CLCN4: variants seen among roughly 807,000 people sequenced by gnomAD.
CLCN4 encodes Cl-/H+ antiporter 4, also known as H(+)/Cl(-) exchange transporter 4.
CLCN4 carries 1 observed loss-of-function variant against 41.7 expected under a neutral mutation model. The ratio of observed to expected loss-of-function variants is 0.02; its 90% CI spans 0.01 to 0.11. The LOEUF is 0.11. CLCN4 is among the 10% of genes least tolerant of loss of function. The pLI, the probability that CLCN4 is intolerant of heterozygous loss-of-function variation, is 1.00. For synonymous variants in CLCN4, 277 were observed against 285.8 expected (o/e 0.97, Z 0.31); for missense variants, 287 against 661.0 (o/e 0.43, Z 6.20).
At chrX:10,194,763 TGTAA>T in intron 4 of CLCN4, 144 bp from the exon 5 acceptor site, 2 of 498,660 alleles carry the variant, frequency 4.0e-6, no homozygotes, top group Non-Finnish European at 6.9e-6. Context: ...AAGCTTCCTA[TGTAA>T]GTGACAGCCC....
intron 2 of CLCN4, among the ~76,000 whole-genome samples, chrX:10,172,241 G>A (rs1019952376): frequency 1.8e-5 from 2 of 112,063 alleles, no homozygotes; most frequent in Non-Finnish European, 3.8e-5. Flanking sequence ...ACTTTGCCCC[G>A]CAAGCCTTTT....
intron 6 of CLCN4, among the ~76,000 whole-genome samples, chrX:10,204,010 C>T (rs1413916676): frequency 8.9e-6 from 1 of 111,924 alleles, no homozygotes; most frequent in Non-Finnish European, 1.9e-5. Context: ...TGATTACAGG[C>T]TTGTAAGTTG....
Position 10,212,596 on chromosome X carries a change from G to A in CLCN4, c.1519G>A (p.Gly507Ser), listed in dbSNP as rs200303958. The change falls in exon 10 of 13, where the codon GGT (glycine) becomes AGT (serine). Residue 507 changes from glycine to serine, a missense_variant. By Grantham distance (56) the Gly-to-Ser change is moderately conservative. Around this residue, in one of 6 missense-constraint regions of CLCN4, gnomAD observed 94 missense variants for 177.9 expected, o/e 0.53. Coordinates refer to ENST00000380833, the MANE Select transcript of CLCN4 (RefSeq NM_001830.4). Reference protein sequence around the residue: ...WIIFRNWCRPGADCVTPGLYA... With the variant: ...WIIFRNWCRPSADCVTPGLYA... ...CATCTTCAGGAACTGGTGCAGACCC[G>A]GTGCAGACTGTGTCACGCCAGGGCT... is the stretch of plus-strand genomic sequence containing the variant. 1.2e-5 allele frequency: 14 copies of A among 1,209,697 alleles called. No individual in the cohort carries two copies. Among genetic ancestry groups the A allele is most frequent in the African/African-American group, 3.5e-5 (2 of 57,132 alleles).
In CLCN4 at chrX:10,225,046, C is replaced by T. The variant is rs369793742; in HGVS notation, c.2192+4169C>T. The stretch of plus-strand genomic sequence containing the variant: ...TTTGCTATTGTGAATGGTGCTGCAG[C>T]GAACATACGTGTGTATGTATTTTTA... On this transcript the variant is annotated intron_variant, in intron 12 of 12. Coordinates refer to ENST00000380833, the MANE Select transcript of CLCN4 (RefSeq NM_001830.4). Among the ~76,000 whole-genome samples the T allele has an allele frequency of 4.5e-5, 5 of 111,722 alleles. 1 individual carries two copies. The East Asian group carries it at 8.4e-4, about 19-fold the overall frequency.
chrX:10,215,912 G>A (rs918604315), intron 11 of CLCN4, among the ~76,000 whole-genome samples: 1 of 112,098 alleles, frequency 8.9e-6, no homozygotes, highest in Non-Finnish European at 1.9e-5. Context: ...TAATATAGAA[G>A]GTGCTATTTA....
At chrX:10,197,374 TG>T (rs1183503021) in intron 5 of CLCN4, among the ~76,000 whole-genome samples, 2 of 111,783 alleles carry the variant, frequency 1.8e-5, no homozygotes, top group Non-Finnish European at 1.9e-5. Flanking sequence ...GTCTGGTGTC[TG>T]GTTCAGCAGT....
In CLCN4 at chrX:10,235,023, G is replaced by A. The variant is rs759070875; in HGVS notation, c.*1439G>A. 2 of 111,810 alleles carry A rather than the reference G, an allele frequency of 1.8e-5. No individual in the cohort carries two copies. The highest frequency in any genetic ancestry group is 3.3e-5 in the African/African-American group (1 of 30,662). 9.2% of individuals were successfully genotyped at this position (111,810 alleles called of 1,213,427 possible). A position where few individuals can be genotyped will look rare whatever the true frequency, so the allele number is the denominator to read the frequency against. ...TGCTGTATCACTTAGGTGTGCATTC[G>A]GCTGCAAATAACAGAAAACCCAGCA... On this transcript the variant is annotated 3_prime_UTR_variant, in exon 13 of 13. Transcript: ENST00000380833.
chrX:10,174,308 G>T (rs770940262), intron 2 of CLCN4, among the ~76,000 whole-genome samples: 1 of 112,423 alleles, frequency 8.9e-6, no homozygotes, highest in South Asian at 3.7e-4. Context: ...GCCAGATTGG[G>T]TTCTGTGCCA....
intron 11 of CLCN4, among the ~76,000 whole-genome samples, chrX:10,214,582 C>T (rs948984030): frequency 1.8e-5 from 2 of 112,956 alleles, no homozygotes; most frequent in African/African-American, 6.4e-5. Context: ...CCACACAAGT[C>T]TTTTGCTTCA....
chrX:10,201,648 G>A (rs7879414), intron 6 of CLCN4, among the ~76,000 whole-genome samples: 9,828 of 111,939 alleles, frequency 0.088, 403 homozygotes, highest in African/African-American at 0.14. Context: ...GTTTATCATT[G>A]TCTGAGGTGA....
At chrX:10,226,653 C>A (rs1037615177) in intron 12 of CLCN4, among the ~76,000 whole-genome samples, 1 of 110,357 alleles carries the variant, frequency 9.1e-6, no homozygotes, top group African/African-American at 3.3e-5. Flanking sequence ...AGACTGCTAG[C>A]TAGAGTAATA....
chrX:10,159,592 TCA>T (rs1382231311), intron 2 of CLCN4, among the ~76,000 whole-genome samples: 2 of 111,227 alleles, frequency 1.8e-5, no homozygotes, highest in East Asian at 5.6e-4. Context: ...GTATTGGAAC[TCA>T]CATCATGAAT....
chrX:10,181,730 T>C (rs1413292909), intron 2 of CLCN4, among the ~76,000 whole-genome samples: 1 of 112,212 alleles, frequency 8.9e-6, no homozygotes, highest in Non-Finnish European at 1.9e-5. Flanking sequence ...TGTTATGTTA[T>C]TGCTAATACC....
At chrX:10,200,932 G>A (rs1002752334) in intron 6 of CLCN4, among the ~76,000 whole-genome samples, 1 of 111,463 alleles carries the variant, frequency 9.0e-6, no homozygotes, top group African/African-American at 3.3e-5. Flanking sequence ...TAAGTGATTC[G>A]CCTGCCTTGG....
chrX:10,187,451 T>G (rs1923841934), intron 3 of CLCN4, 64 bp from the exon 4 acceptor site: 6 of 850,665 alleles, frequency 7.1e-6, no homozygotes, highest in Non-Finnish European at 1.0e-5. Flanking sequence ...GGAAACAGTT[T>G]CAAGGAAAAA....
Position 10,208,099 on chromosome X carries a change from G to T in CLCN4, c.898G>T (p.Val300Leu). 8.3e-7 allele frequency: 1 copy of T among 1,211,415 alleles called. No individual in the cohort carries two copies. The highest frequency in any genetic ancestry group is 1.1e-6 in the Non-Finnish European group (1 of 895,265). ...GTGGAGGTCATTTTTCGCAGCCCTG[G>T]TGGCGGCCTTTACGCTGAGATCCAT... The part of the protein sequence containing the change: ...TLWRSFFAAL[V>L]AAFTLRSINP... Residue 300 changes from valine (V) to leucine (L), a missense_variant, in exon 9 of 13, where the codon GTG becomes TTG. Transcript: ENST00000380833.
chrX:10,233,789 A>G lies in CLCN4; in HGVS notation c.*205A>G, dbSNP rs920723447. On this transcript the variant is annotated 3_prime_UTR_variant, in exon 13 of 13. Transcript: ENST00000380833. ...AGGCATTTTATAGCTTTAACCCCGTATGAGTTTCAAGCTGTGTTTCCTAAT... is the reference window on the plus strand; with the variant it reads ...AGGCATTTTATAGCTTTAACCCCGTGTGAGTTTCAAGCTGTGTTTCCTAAT... The G allele has an allele frequency of 5.1e-6, 2 of 394,540 alleles. No homozygotes were observed. Among genetic ancestry groups the G allele is most frequent in the South Asian group, 3.7e-5 (1 of 27,181 alleles). The allele number at this position is 394,540 out of a possible 1,213,427, so 32.5% of individuals were successfully genotyped here. A position where few individuals can be genotyped will look rare whatever the true frequency, so the allele number is the denominator to read the frequency against.
At chrX:10,197,263 A>G (rs1053378155) in intron 5 of CLCN4, among the ~76,000 whole-genome samples, 17 of 112,445 alleles carry the variant, frequency 1.5e-4, no homozygotes, top group African/African-American at 5.5e-4. Context: ...TCTGAAAGTG[A>G]TCACGTTTTT....
intron 11 of CLCN4, among the ~76,000 whole-genome samples, chrX:10,219,468 G>T (rs1303016050): frequency 8.9e-6 from 1 of 112,100 alleles, no homozygotes; most frequent in African/African-American, 3.2e-5. Flanking sequence ...GAGTCGTCTG[G>T]TATTTGTGGC....
Sources: gnomAD v4.1 joint callset for allele counts (sites outside exome capture counted in the v4.1 genomes callset) on GRCh38, gnomAD v4.1.1 for gene constraint, gnomAD v4.1.1 regional missense constraint, MANE v1.5 for transcripts, NCBI Gene and HGNC (gene_info 2026-07-23, HGNC 2026-07-21) for gene names.